The following IGSF22 variants were observed in gnomAD, a reference collection of about 807,000 sequenced individuals.
IGSF22 encodes immunoglobulin superfamily, member 22.
A neutral mutation model predicts 127.0 loss-of-function variants in IGSF22; 119 were observed. That is an observed-to-expected ratio of 0.94 (90% CI 0.81 to 1.09). IGSF22 has a LOEUF of 1.09. Among genes scored for constraint, IGSF22 ranks in the 50% least tolerant of loss-of-function variants. The pLI is 0.00. For missense variants in IGSF22, 1,518 were observed against 1,716.6 expected, an observed-to-expected ratio of 0.88 and a Z score of 2.04; for synonymous variants, 568 against 664.7, an observed-to-expected ratio of 0.85 and a Z score of 2.24.
chr11:18,716,651 T>C lies in IGSF22; in HGVS notation c.1246+77A>G. ...AAAAGGAGATGGATGGATAGATGGATATATAAATGATGACTACCTGCATGG... is the reference window on the plus strand; with the variant it reads ...AAAAGGAGATGGATGGATAGATGGACATATAAATGATGACTACCTGCATGG... On this transcript the variant is annotated intron_variant, in intron 10 of 22. Transcript: ENST00000513874. This position sits in a 1 kb window ranked among gnomAD's most constrained non-coding sequence, Gnocchi z 4.5. 2.1e-6 allele frequency: 3 copies of C among 1,424,164 alleles called. No homozygotes were observed. Among genetic ancestry groups the C allele is most frequent in the Non-Finnish European group, 2.9e-6 (3 of 1,023,086 alleles). 88.2% of individuals were successfully genotyped at this position (1,424,164 alleles called of 1,614,324 possible). A position where few individuals can be genotyped will look rare whatever the true frequency, so the allele number is the denominator to read the frequency against.
intron 14 of IGSF22, among the ~76,000 whole-genome samples, chr11:18,712,668 C>G (rs1271483759): frequency 6.6e-6 from 1 of 152,232 alleles, no homozygotes; most frequent in African/African-American, 2.4e-5. Flanking sequence ...AAGTTCTCCC[C>G]CTCTTCTGAG....
At chr11:18,708,333 T>A in intron 18 of IGSF22, 38 bp from the exon 19 acceptor site, 1 of 1,475,970 alleles carries the variant, frequency 6.8e-7, no homozygotes, top group Non-Finnish European at 9.1e-7. Flanking sequence ...CATGGATCTG[T>A]CTTTCAAGAA....
At position 18,712,399 on chromosome 11, in the gene IGSF22, C is replaced by T; in HGVS notation, c.2096-15G>A. ...CTTTGGACGGTCTGGGGACAGAGAA[C>T]AGCTTCAGAATGGGGCTTTGGAACA... On this transcript the variant is annotated splice_polypyrimidine_tract_variant and intron_variant, in intron 14 of 22. Coordinates refer to ENST00000513874, the MANE Select transcript of IGSF22 (RefSeq NM_173588.4). The T allele has an allele frequency of 6.5e-7, 1 of 1,541,142 alleles. No homozygotes were observed. Among genetic ancestry groups the T allele is most frequent in the Non-Finnish European group, 8.8e-7 (1 of 1,140,418 alleles).
In IGSF22 at chr11:18,712,381, C is replaced by T. The variant is rs779954161; in HGVS notation, c.2099G>A (p.Arg700His). 88 of 1,549,592 alleles carry T rather than the reference C, an allele frequency of 5.7e-5. 2 individuals are homozygous for T. The South Asian group carries it at 7.4e-4, about 13-fold the overall frequency. ...TATLHLSVLD[R>H]PKPPQGRVEF... ...CACCCGGCCCTGTGGAGGCTTTGGA[C>T]GGTCTGGGGACAGAGAACAGCTTCA... is the stretch of plus-strand genomic sequence containing the variant. The change falls in exon 15 of 23, where the codon CGT becomes CAT. Residue 700 changes from arginine (R) to histidine (H), a missense_variant. Transcript: ENST00000513874.
intron 2 of IGSF22, among the ~76,000 whole-genome samples, chr11:18,723,261 C>T (rs1046524180): frequency 6.6e-6 from 1 of 152,232 alleles, no homozygotes; most frequent in Non-Finnish European, 1.5e-5. Context: ...TTTTTGCCCT[C>T]CTCACACCCC....
chr11:18,721,551 T>G lies in IGSF22; in HGVS notation c.362A>C (p.Lys121Thr), dbSNP rs1848572793. ...CCCCCGCACCTTCAGCACGTGTTCC[T>G]TGTTAATGCTGTCGTAGAATATCTT... is the stretch of plus-strand genomic sequence containing the variant. Reference protein sequence around the residue: ...SAKIFYDSINKEHVLKLEPLT... With the variant: ...SAKIFYDSINTEHVLKLEPLT... The change falls in exon 4 of 23, where the codon AAG (lysine) becomes ACG (threonine). Residue 121 changes from lysine to threonine, a missense_variant. Lys to Thr is a moderately conservative substitution (Grantham distance 78). Around this residue, in one of 3 missense-constraint regions of IGSF22, gnomAD observed 1,456 missense variants for 1,644.9 expected, o/e 0.89. Transcript: ENST00000513874. The G allele has an allele frequency of 6.2e-7, 1 of 1,614,268 alleles. No individual in the cohort carries two copies. The highest frequency in any genetic ancestry group is 1.7e-5 in the Admixed American group (1 of 60,032).
At chr11:18,718,556 A>G in intron 8 of IGSF22, 59 bp downstream of exon 8, 2 of 931,288 alleles carry the variant, frequency 2.1e-6, no homozygotes, top group South Asian at 2.6e-5. Context: ...ATACAGTGAG[A>G]GAAGGGGGTA....
Position 18,715,480 on chromosome 11 carries a change from C to A in IGSF22, c.1483G>T (p.Asp495Tyr). Residue 495 changes from aspartate (D) to tyrosine (Y), a missense_variant, in exon 11 of 23, where the codon GAT becomes TAT. Asp to Tyr is a radical substitution (Grantham distance 160, BLOSUM62 -3). Around this residue, in one of 3 missense-constraint regions of IGSF22, gnomAD observed 1,456 missense variants for 1,644.9 expected, o/e 0.89. Coordinates refer to ENST00000513874, the MANE Select transcript of IGSF22 (RefSeq NM_173588.4). ...CTGTAGTATTCAGTAGGGTCTCCAT[C>A]CTGCATGGCCACCACAGTGTACTCG... ...GGEYTVVAMQ[D>Y]GDPTEYYSTA... 5 of 1,613,750 alleles carry A rather than the reference C, an allele frequency of 3.1e-6. No individual in the cohort carries two copies. Among genetic ancestry groups the A allele is most frequent in the Non-Finnish European group, 3.4e-6 (4 of 1,179,930 alleles).
chr11:18,708,728 C>G (rs1428397911), intron 18 of IGSF22, among the ~76,000 whole-genome samples: 1 of 152,226 alleles, frequency 6.6e-6, no homozygotes, highest in Admixed American at 6.5e-5. Context: ...TTCCCCCAAA[C>G]TAAATCACCT....
chr11:18,712,158 G>C lies in IGSF22; in HGVS notation c.2322C>G (p.Phe774Leu). The C allele has an allele frequency of 3.9e-6, 6 of 1,551,726 alleles. No homozygotes were observed. ...CTTCTGAATTGACTGCCAGGATACGGAACTGGTAGGCTTTTCCCTCTTCCA... is the reference window on the plus strand; with the variant it reads ...CTTCTGAATTGACTGCCAGGATACGCAACTGGTAGGCTTTTCCCTCTTCCA... Reference protein sequence around the residue: ...NKVEEGKAYQFRILAVNSEGV... With the variant: ...NKVEEGKAYQLRILAVNSEGV... The change falls in exon 15 of 23, where the codon TTC (phenylalanine) becomes TTG (leucine). Residue 774 changes from phenylalanine (F) to leucine (L), a missense_variant. By Grantham distance (22) the Phe-to-Leu change is conservative. Transcript: ENST00000513874.
At chr11:18,725,178 GT>G (rs887155360) in intron 1 of IGSF22, among the ~76,000 whole-genome samples, 20 of 151,708 alleles carry the variant, frequency 1.3e-4, no homozygotes, top group East Asian at 3.9e-4. Context: ...CAGCATTGCG[GT>G]TTTTTTTGGG....
intron 12 of IGSF22, 22 bp from the exon 13 acceptor site, chr11:18,714,440 G>T (rs536677900): frequency 1.2e-6 from 2 of 1,614,172 alleles, no homozygotes; most frequent in East Asian, 4.5e-5. Flanking sequence ...GGGTGGGCCT[G>T]AGTGTGAGCA....
rs1256841479 is a variant in IGSF22 at position 18,706,988 on chromosome 11, A to G, written c.3506T>C (p.Val1169Ala). Residue 1169 changes from valine (V) to alanine (A), a missense_variant, in exon 21 of 23, where the codon GTG (valine) becomes GCG (alanine). By Grantham distance (64) the Val-to-Ala change is moderately conservative (BLOSUM62 0). Transcript: ENST00000513874. ...LLPGRKYYFRVVARNEIGDSE... is the reference protein window; with the variant it reads ...LLPGRKYYFRAVARNEIGDSE... ...GTCACCGATTTCATTCCGAGCCACC[A>G]CTCTGAAGTAGTACTTCCTGCCTGG... The G allele has an allele frequency of 1.4e-5, 21 of 1,548,910 alleles. No homozygotes were observed. Among genetic ancestry groups the G allele is most frequent in the Non-Finnish European group, 1.8e-5 (21 of 1,145,482 alleles).
At chr11:18,717,515 C>T (rs915171391) in intron 9 of IGSF22, among the ~76,000 whole-genome samples, 4 of 152,096 alleles carry the variant, frequency 2.6e-5, no homozygotes, top group African/African-American at 4.8e-5. Context: ...GCAGCCTCAG[C>T]GTGCTGGGTA....
In IGSF22 at chr11:18,716,657, A is replaced by T; in HGVS notation, c.1246+71T>A. 6.7e-7 allele frequency: 1 copy of T among 1,483,048 alleles called. No individual in the cohort carries two copies. The highest frequency in any genetic ancestry group is 9.3e-7 in the Non-Finnish European group (1 of 1,073,988). The allele number at this position is 1,483,048 out of a possible 1,614,324, so 91.9% of individuals were successfully genotyped here. On this transcript the variant is annotated intron_variant, in intron 10 of 22. Coordinates refer to ENST00000513874, the MANE Select transcript of IGSF22 (RefSeq NM_173588.4). This position sits in a 1 kb window ranked among gnomAD's most constrained non-coding sequence, Gnocchi z 4.5. ...AGATGGATGGATAGATGGATATATA[A>T]ATGATGACTACCTGCATGGAGGTTG...
chr11:18,725,649 C>T (rs1008841669), intron 1 of IGSF22, among the ~76,000 whole-genome samples: 3 of 151,946 alleles, frequency 2.0e-5, no homozygotes, highest in Non-Finnish European at 4.4e-5. Context: ...ACTATGTTGG[C>T]CAGGCTAGTC....
In IGSF22 at chr11:18,709,142, A is replaced by G. The variant is rs1490037636; in HGVS notation, c.2998+245T>C. Reference sequence around the variant, plus strand: ...CTCAGTGAACTGGTTTTGCGTGTACAATGCGCAAGAAGAACCCATTGGGTG... The same window carrying G: ...CTCAGTGAACTGGTTTTGCGTGTACGATGCGCAAGAAGAACCCATTGGGTG... On this transcript the variant is annotated intron_variant, in intron 18 of 22. Coordinates refer to ENST00000513874, the MANE Select transcript of IGSF22 (RefSeq NM_173588.4). The surrounding 1 kb of genome is among the most constrained non-coding windows in gnomAD (Gnocchi z 4.8). Among the ~76,000 whole-genome samples, 1 of 152,220 alleles carries G rather than the reference A, an allele frequency of 6.6e-6. No individual in the cohort carries two copies. The highest frequency in any genetic ancestry group is 1.5e-5 in the Non-Finnish European group (1 of 68,042).
chr11:18,712,518 G>T, intron 14 of IGSF22, 134 bp from the exon 15 acceptor site: 2 of 744,320 alleles, frequency 2.7e-6, no homozygotes, highest in African/African-American at 1.8e-5. Context: ...GCCCCTCCCT[G>T]TGTCCACCAT....
chr11:18,714,380 A>G lies in IGSF22; in HGVS notation c.1695T>C (p.Gly565=), dbSNP rs775866708. The change falls in exon 13 of 23, where the codon GGT becomes GGC. Residue 565 remains glycine, a synonymous_variant. Coordinates refer to ENST00000513874, the MANE Select transcript of IGSF22 (RefSeq NM_173588.4). ...DLPGMQIVKQ[G]AVHKLIFPSM... ...TGGGAAAGATGAGCTTGTGCACTGC[A>G]CCCTGCTTCACAATCTGCATGCCTG... 8 of 1,614,026 alleles carry G rather than the reference A, an allele frequency of 5.0e-6. No homozygotes were observed. Among genetic ancestry groups the G allele is most frequent in the South Asian group, 2.2e-5 (2 of 91,090 alleles).
Sources: allele counts gnomAD v4.1 joint callset (sites outside exome capture counted in the v4.1 genomes callset), GRCh38; gene constraint gnomAD v4.1.1; regional missense constraint gnomAD v4.1.1; non-coding constraint Gnocchi (gnomAD v3.1); transcripts MANE v1.5; gene names NCBI Gene and HGNC (gene_info 2026-07-23, HGNC 2026-07-21).